The following ANKRD26 variants were observed in gnomAD, a reference collection of about 807,000 sequenced individuals.
The protein encoded by ANKRD26 is ankyrin repeat domain-containing protein 26.
A neutral mutation model predicts 208.7 loss-of-function variants in ANKRD26; 141 were observed. The ratio of observed to expected loss-of-function variants is 0.68; its 90% confidence interval spans 0.59 to 0.78. The LOEUF (loss-of-function observed/expected upper bound fraction) is 0.78. Ranked by LOEUF, ANKRD26 falls within the 30% of genes least tolerant of loss-of-function variation. The pLI is 0.00. For synonymous variants in ANKRD26, 636 were observed against 660.4 expected, an observed-to-expected ratio of 0.96 and a Z score of 0.57; for missense variants, 1,889 against 1,938.7, an observed-to-expected ratio of 0.97 and a Z score of 0.48.
intron 29 of ANKRD26, among the ~76,000 whole-genome samples, chr10:27,020,804 G>A (rs1156893494): frequency 2.6e-5 from 4 of 152,096 alleles, no homozygotes; most frequent in Non-Finnish European, 4.4e-5. Context: ...GACTACAGGC[G>A]TGTGCCGCTA....
Position 27,048,922 on chromosome 10 carries a change from G to A in ANKRD26, c.1693C>T (p.His565Tyr), listed in dbSNP as rs1404602406. Residue 565 changes from histidine (H) to tyrosine (Y), a missense_variant, in exon 17 of 34, where the codon CAT becomes TAT. His to Tyr is a moderately conservative substitution (Grantham distance 83). Coordinates refer to ENST00000376087, the MANE Select transcript of ANKRD26 (RefSeq NM_014915.3). ...TCAGCATCATCAGTAGCACCATCAT[G>A]TATGTTTGCTGATACTTCCATTTCA... is the stretch of plus-strand genomic sequence containing the variant. The part of the protein sequence containing the change: ...NNEMEVSANI[H>Y]DGATDDAEDD... 1.2e-6 allele frequency: 2 copies of A among 1,611,150 alleles called. No homozygotes were observed. Among genetic ancestry groups the A allele is most frequent in the East Asian group, 2.2e-5 (1 of 44,676 alleles).
At chr10:27,095,620 A>C (rs942944884) in intron 1 of ANKRD26, among the ~76,000 whole-genome samples, 1 of 152,334 alleles carries the variant, frequency 6.6e-6, no homozygotes, top group African/African-American at 2.4e-5. Context: ...GTAAGCCGAG[A>C]TCATGCCACT....
In ANKRD26 at chr10:27,021,769, G is replaced by C. The variant is rs576712509; in HGVS notation, c.4215+789C>G. Among the ~76,000 whole-genome samples the C allele has an allele frequency of 2.0e-5, 3 of 152,154 alleles. No homozygotes were observed. The East Asian group carries it at 5.8e-4, about 29-fold the overall frequency. On this transcript the variant is annotated intron_variant, in intron 29 of 33. Coordinates refer to ENST00000376087, the MANE Select transcript of ANKRD26 (RefSeq NM_014915.3). Reference sequence around the variant, plus strand: ...TAGTATGAGATGGTATCTTGTTGTGGTTTTGATTTGCATTTCTCTAATGAT... The same window carrying C: ...TAGTATGAGATGGTATCTTGTTGTGCTTTTGATTTGCATTTCTCTAATGAT...
chr10:27,099,179 C>A (rs559519534), intron 1 of ANKRD26, among the ~76,000 whole-genome samples: 2 of 151,928 alleles, frequency 1.3e-5, no homozygotes, highest in African/African-American at 4.8e-5. Flanking sequence ...TTAGTAGAGA[C>A]GGGGTTTCAC....
chr10:26,957,202 G>A, the ANKRD26 span, among the ~76,000 whole-genome samples: 1 of 152,250 alleles, frequency 6.6e-6, no homozygotes, highest in East Asian at 1.9e-4. Flanking sequence ...GAGACTAGGA[G>A]TTCAAGACCA....
intron 27 of ANKRD26, among the ~76,000 whole-genome samples, chr10:27,027,122 G>T (rs955411613): frequency 6.6e-6 from 1 of 152,082 alleles, no homozygotes; most frequent in South Asian, 2.1e-4. Flanking sequence ...AGATAAATGG[G>T]AAAAAAAGTT....
intron 15 of ANKRD26, 52 bp from the exon 16 acceptor site, chr10:27,053,442 A>C (rs2054733856): frequency 8.5e-7 from 1 of 1,175,016 alleles, no homozygotes; most frequent in East Asian, 2.4e-5. Flanking sequence ...CAGTTAGGTA[A>C]AAGGTATAGT....
chr10:26,954,166 G>A, the ANKRD26 span, among the ~76,000 whole-genome samples: 3 of 152,154 alleles, frequency 2.0e-5, no homozygotes, highest in African/African-American at 7.2e-5. Flanking sequence ...ACATATAAAG[G>A]GTGAAATGTG....
chr10:27,019,122 T>C (rs1388948484), intron 29 of ANKRD26, among the ~76,000 whole-genome samples: 1 of 151,726 alleles, frequency 6.6e-6, no homozygotes, highest in Non-Finnish European at 1.5e-5. Context: ...CTACTAAAAA[T>C]ACAAAAAATT....
intron 3 of ANKRD26, among the ~76,000 whole-genome samples, 176 bp downstream of exon 3, chr10:27,093,173 T>C (rs1439301646): frequency 6.6e-6 from 1 of 152,230 alleles, no homozygotes; most frequent in Admixed American, 6.5e-5. Context: ...TACTGCCTAA[T>C]GCTTCTTTAA....
intron 4 of ANKRD26, among the ~76,000 whole-genome samples, chr10:26,980,959 G>C (rs982716431): frequency 6.6e-6 from 1 of 152,298 alleles, no homozygotes; most frequent in African/African-American, 2.4e-5. Flanking sequence ...CTCCTGTAAG[G>C]AGGTGAGGCA....
intron 15 of ANKRD26, among the ~76,000 whole-genome samples, chr10:27,057,610 T>C (rs1372129266): frequency 6.6e-6 from 1 of 152,218 alleles, no homozygotes; most frequent in African/African-American, 2.4e-5. Flanking sequence ...ATTTACTTTT[T>C]AAGCCTTGGG....
At chr10:26,983,361 A>G (rs182827664) in intron 3 of ANKRD26, among the ~76,000 whole-genome samples, 1 of 152,310 alleles carries the variant, frequency 6.6e-6, no homozygotes, top group East Asian at 1.9e-4. Flanking sequence ...CCTAGGGAAC[A>G]TTGTCCTAAC....
intron 3 of ANKRD26, among the ~76,000 whole-genome samples, chr10:27,092,858 G>A (rs571171744): frequency 6.6e-6 from 1 of 152,284 alleles, no homozygotes; most frequent in South Asian, 2.1e-4. Context: ...TGAGGCGGGT[G>A]GATCACCTGA....
rs371392400 is a variant in ANKRD26, at chr10:26,996,894, T to C, written c.563-1747A>G. On this transcript the variant is annotated intron_variant, in intron 4 of 5. Coordinates refer to the ANKRD26 transcript ENST00000445828. Reference sequence around the variant, plus strand: ...TTCTCTCTTCTCCGCTAATGTTTCCTTTTTCTGTCTTTAGTTTATTTCCCA... The same window carrying C: ...TTCTCTCTTCTCCGCTAATGTTTCCCTTTTCTGTCTTTAGTTTATTTCCCA... 2.6e-5 allele frequency among the ~76,000 whole-genome samples: 4 copies of C among 152,308 alleles called. 1 individual carries two copies. The highest frequency in any genetic ancestry group is 9.6e-5 in the African/African-American group (4 of 41,566).
intron 9 of ANKRD26, among the ~76,000 whole-genome samples, chr10:27,076,501 G>A (rs1460707476): frequency 1.3e-5 from 2 of 152,054 alleles, no homozygotes; most frequent in Admixed American, 6.6e-5. Context: ...CTGACCTCAG[G>A]TGATCTGCCC....
intron 12 of ANKRD26, among the ~76,000 whole-genome samples, chr10:27,063,266 C>T (rs935247958): frequency 1.3e-5 from 2 of 152,034 alleles, no homozygotes; most frequent in African/African-American, 4.8e-5. Context: ...TAAACTCTTC[C>T]TACCTTTCTA....
chr10:27,046,755 T>C (rs1479184435), intron 17 of ANKRD26, among the ~76,000 whole-genome samples: 1 of 151,666 alleles, frequency 6.6e-6, no homozygotes, highest in Non-Finnish European at 1.5e-5. Flanking sequence ...TAAGAGAAAA[T>C]GTATATTCCC....
the ANKRD26 span, among the ~76,000 whole-genome samples, chr10:26,960,143 TG>T: frequency 6.6e-6 from 1 of 151,084 alleles, no homozygotes; most frequent in Non-Finnish European, 1.5e-5. Context: ...AGCAAGACCT[TG>T]TCTCCAAAAA....
Sources: allele counts gnomAD v4.1 joint callset (sites outside exome capture counted in the v4.1 genomes callset), GRCh38; gene constraint gnomAD v4.1.1; transcripts MANE v1.5; gene names NCBI Gene and HGNC (gene_info 2026-07-23, HGNC 2026-07-21).